DMD: variants seen among roughly 807,000 people sequenced by gnomAD.
The protein encoded by DMD is dystrophin.
DMD carries 63 observed loss-of-function variants against 330.1 expected under a neutral mutation model. That is an observed-to-expected ratio of 0.19 (90% CI 0.16 to 0.24). DMD has a LOEUF of 0.24. Among genes scored for constraint, DMD ranks in the 10% least tolerant of loss-of-function variants. The probability of loss-of-function intolerance (pLI) is 1.00; values close to 1 mark genes in which losing one functional copy is unlikely to be tolerated. For missense variants in DMD, 3,344 were observed against 2,684.1 expected (o/e 1.25, Z -5.43); for synonymous variants, 1,223 against 959.8 (o/e 1.27, Z -5.07).
intron 52 of DMD, among the ~76,000 whole-genome samples, chrX:31,692,659 T>C (rs2083203519): frequency 1.8e-5 from 2 of 111,360 alleles, no homozygotes; most frequent in South Asian, 7.4e-4. Context: ...AAATTGGACA[T>C]CCTAACAGAA....
rs1314580415 is a variant in DMD at position 31,121,409 on chromosome X, T to C, written c.*510A>G. 8.7e-6 allele frequency: 1 copy of C among 115,093 alleles called. No individual in the cohort carries two copies. The highest frequency in any genetic ancestry group is 1.7e-5 in the Non-Finnish European group (1 of 57,845). 9.5% of individuals were successfully genotyped at this position (115,093 alleles called of 1,213,427 possible). A position where few individuals can be genotyped will look rare whatever the true frequency, so the allele number is the denominator to read the frequency against. ...ATCACGCCAAAAGGATGCAAAACAA[T>C]GCGCTGCCTCAAAGTTTTGTGTGTG... On this transcript the variant is annotated 3_prime_UTR_variant, in exon 79 of 79. Transcript: ENST00000357033.
intron 1 of DMD, among the ~76,000 whole-genome samples, chrX:33,082,248 C>A (rs2094941636): frequency 8.9e-6 from 1 of 111,961 alleles, no homozygotes; most frequent in Admixed American, 9.5e-5. Context: ...CCATAGTGCT[C>A]TTTAAAAAAG....
intron 62 of DMD, among the ~76,000 whole-genome samples, chrX:31,287,551 G>T (rs773401089): frequency 1.2e-4 from 13 of 112,144 alleles, no homozygotes; most frequent in Non-Finnish European, 2.4e-4. Context: ...AGCTCTGACA[G>T]GAGAAAACAA....
chrX:31,868,657 C>T (rs761823605), intron 48 of DMD, among the ~76,000 whole-genome samples: 1 of 111,505 alleles, frequency 9.0e-6, no homozygotes, highest in South Asian at 3.7e-4. Context: ...ACAGAATTCC[C>T]AATCTTACAA....
chrX:31,644,882 ACACACAC>A, intron 54 of DMD, among the ~76,000 whole-genome samples: 1 of 111,798 alleles, frequency 8.9e-6, no homozygotes, highest in Non-Finnish European at 1.9e-5. Context: ...GGGTTTACTC[ACACACAC>A]CAAGTGCTTG....
At chrX:31,923,650 T>G (rs1181634436) in intron 47 of DMD, among the ~76,000 whole-genome samples, 1 of 98,869 alleles carries the variant, frequency 1.0e-5, no homozygotes, top group African/African-American at 3.8e-5. Context: ...CAGGCTGGAG[T>G]ATAGCGGCAT....
chrX:32,645,045 A>C lies in DMD; in HGVS notation c.1068T>G (p.Leu356=). The C allele has an allele frequency of 1.7e-6, 2 of 1,211,779 alleles. No homozygotes were observed. The highest frequency in any genetic ancestry group is 1.8e-5 in the South Asian group (1 of 57,009). ...GTGCTTGCAATGTGTCCTCAGCAGA[A>C]AGAAGCCACGATAATACTTCTTCTA... ...TALEEVLSWL[L]SAEDTLQAQG... The change falls in exon 10 of 79, where the codon CTT becomes CTG. Residue 356 remains leucine (L), a synonymous_variant. Coordinates refer to ENST00000357033, the MANE Select transcript of DMD (RefSeq NM_004006.3).
intron 1 of DMD, among the ~76,000 whole-genome samples, chrX:33,139,868 TAAAAAAAAAAAAAA>T (rs3990971): frequency 1.6e-5 from 1 of 64,379 alleles, no homozygotes; most frequent in Non-Finnish European, 2.7e-5. Flanking sequence ...GCCCCATCGC[TAAAAAAAAAAAAAA>T]AAAAAAAAAA....
chrX:32,849,037 G>A (rs1182558756), intron 3 of DMD, among the ~76,000 whole-genome samples: 1 of 111,403 alleles, frequency 9.0e-6, no homozygotes, highest in Non-Finnish European at 1.9e-5. Flanking sequence ...GAAGGGCAAA[G>A]ATAAGAGACG....
chrX:33,050,585 T>A (rs2094445171), intron 1 of DMD, among the ~76,000 whole-genome samples: 1 of 111,310 alleles, frequency 9.0e-6, no homozygotes, highest in African/African-American at 3.3e-5. Context: ...TGAGCAGAGA[T>A]CAAGGGCAAC....
Position 31,768,808 on chromosome X carries a change from C to T in DMD, c.7542+5152G>A, listed in dbSNP as rs747756871. Among the ~76,000 whole-genome samples the T allele has an allele frequency of 1.3e-4, 15 of 112,027 alleles. No homozygotes were observed. The South Asian group carries it at 5.6e-3, about 42-fold the overall frequency. ...AATTAAACTTTGAACTTCATGTGTG[C>T]TTTACTTCTAAAGGCTTAATTTGCA... On this transcript the variant is annotated intron_variant, in intron 51 of 78. Coordinates refer to ENST00000357033, the MANE Select transcript of DMD (RefSeq NM_004006.3).
chrX:32,213,178 T>G (rs892470329), intron 44 of DMD, among the ~76,000 whole-genome samples: 2 of 112,548 alleles, frequency 1.8e-5, no homozygotes, highest in Non-Finnish European at 3.8e-5. Flanking sequence ...ATATATGGGC[T>G]GCTTGGTTGA....
At chrX:31,673,493 GT>G (rs1467200622) in intron 53 of DMD, among the ~76,000 whole-genome samples, 1 of 110,954 alleles carries the variant, frequency 9.0e-6, no homozygotes, top group Admixed American at 9.6e-5. Flanking sequence ...TGTGCCTGTA[GT>G]TCCATCTACT....
intron 1 of DMD, among the ~76,000 whole-genome samples, chrX:33,305,111 T>C (rs1285159402): frequency 9.1e-6 from 1 of 109,536 alleles, no homozygotes; most frequent in Non-Finnish European, 1.9e-5. Context: ...TAAAGACACA[T>C]GCACACGTAT....
chrX:31,820,504 G>A (rs908667437), intron 49 of DMD, among the ~76,000 whole-genome samples: 5 of 111,836 alleles, frequency 4.5e-5, no homozygotes, highest in Admixed American at 2.8e-4. Context: ...TAAAGGGAGG[G>A]GCTGCAGTGG....
intron 7 of DMD, among the ~76,000 whole-genome samples, chrX:32,747,415 T>G (rs1283041996): frequency 8.9e-6 from 1 of 111,812 alleles, no homozygotes; most frequent in Non-Finnish European, 1.9e-5. Flanking sequence ...GCCCACATCC[T>G]TAGACATACT....
intron 7 of DMD, among the ~76,000 whole-genome samples, chrX:32,786,433 T>C (rs12688784): frequency 5.5e-4 from 61 of 110,922 alleles, no homozygotes; most frequent in African/African-American, 1.9e-3. Flanking sequence ...TCATAACTGG[T>C]GAGTGTCTCC....
chrX:33,161,740 C>T (rs973481300), intron 1 of DMD, among the ~76,000 whole-genome samples: 1 of 111,611 alleles, frequency 9.0e-6, no homozygotes, highest in African/African-American at 3.3e-5. Context: ...CAAGGCTTAC[C>T]GTATACCCCT....
intron 2 of DMD, among the ~76,000 whole-genome samples, chrX:32,902,913 T>C (rs774848156): frequency 9.2e-6 from 1 of 109,237 alleles, no homozygotes; most frequent in South Asian, 3.9e-4. Context: ...TCCCAGCACT[T>C]TGGGAGGCCA....
Sources: gnomAD v4.1 joint callset for allele counts (sites outside exome capture counted in the v4.1 genomes callset) on GRCh38, gnomAD v4.1.1 for gene constraint, MANE v1.5 for transcripts, NCBI Gene and HGNC (gene_info 2026-07-23, HGNC 2026-07-21) for gene names.